Variants in CENPO observed in about 807,000 individuals in gnomAD.
CENPO encodes the protein centromeric protein O.
In CENPO, 30 loss-of-function variants were observed where a neutral mutation model predicts 36.1. The ratio of observed to expected loss-of-function variants is 0.83; its 90% CI spans 0.62 to 1.13. CENPO has a LOEUF of 1.13. CENPO is among the 50% of genes most tolerant of loss of function. The pLI, the probability that CENPO is intolerant of heterozygous loss-of-function variation, is 0.00. For synonymous variants in CENPO, 171 were observed against 142.3 expected (o/e 1.20, Z -1.44); for missense variants, 349 against 357.8 (o/e 0.98, Z 0.20).
rs1452795842 is a variant in CENPO, at chr2:24,799,823, G to A, written c.195G>A (p.Val65=). The A allele has an allele frequency of 6.2e-7, 1 of 1,613,364 alleles. No homozygotes were observed. ...GTCTGCGAGATGAGCTGAGGGCTGT[G>A]GTGCGGCACCGGCGAGCCAGCGTGA... ...LRRLRDELRA[V]VRHRRASVKA... Residue 65 remains valine (V), a synonymous_variant, in exon 3 of 8, where the codon GTG becomes GTA. Coordinates refer to ENST00000380834, the MANE Select transcript of CENPO (RefSeq NM_001322101.2).
intron 3 of CENPO, among the ~76,000 whole-genome samples, chr2:24,814,065 T>C (rs1666828210): frequency 6.6e-6 from 1 of 152,196 alleles, no homozygotes; most frequent in Non-Finnish European, 1.5e-5. Flanking sequence ...CAGCCACCTG[T>C]TGTGTCCACC....
At chr2:24,814,634 A>T in intron 4 of CENPO, 141 bp downstream of exon 4, 1 of 633,588 alleles carries the variant, frequency 1.6e-6, no homozygotes. Flanking sequence ...ACACACACAC[A>T]CACACAGACA....
At chr2:24,815,913 A>G in intron 5 of CENPO, 157 bp downstream of exon 5, 1 of 704,204 alleles carries the variant, frequency 1.4e-6, no homozygotes, top group Non-Finnish European at 2.3e-6. Context: ...GCACTATCCC[A>G]CCCTCTTTTC....
At chr2:24,795,130 A>G (rs912708304) in intron 2 of CENPO, among the ~76,000 whole-genome samples, 1 of 152,196 alleles carries the variant, frequency 6.6e-6, no homozygotes, top group Non-Finnish European at 1.5e-5. Context: ...TCTCTAGTCC[A>G]GGCCTTATTT....
At position 24,820,511 on chromosome 2, in the gene CENPO, G is replaced by A; in HGVS notation, c.*1193G>A. 7.1e-7 allele frequency: 1 copy of A among 1,409,784 alleles called. No homozygotes were observed. The highest frequency in any genetic ancestry group is 9.2e-7 in the Non-Finnish European group (1 of 1,082,620). 87.3% of individuals were successfully genotyped at this position (1,409,784 alleles called of 1,614,324 possible). A position where few individuals can be genotyped will look rare whatever the true frequency, so the allele number is the denominator to read the frequency against. On this transcript the variant is annotated 3_prime_UTR_variant, in exon 8 of 8. Transcript: ENST00000380834. ...CCCAAAGGTAGGCCATATGCATCTA[G>A]AACTTCAGCCCAGATTTTGTGGATG... is the stretch of plus-strand genomic sequence containing the variant.
rs1367067833 is a variant in CENPO at position 24,822,032 on chromosome 2, T to C, written c.*2714T>C. ...TGTTTCTTTAACCTCATCCATATAATAGGGCCGTGGGATGGTTGTAGAGGT... is the reference window on the plus strand; with the variant it reads ...TGTTTCTTTAACCTCATCCATATAACAGGGCCGTGGGATGGTTGTAGAGGT... On this transcript the variant is annotated 3_prime_UTR_variant, in exon 8 of 8. Transcript: ENST00000380834. 4 of 209,476 alleles carry C rather than the reference T, an allele frequency of 1.9e-5. No homozygotes were observed. Among genetic ancestry groups the C allele is most frequent in the Non-Finnish European group, 9.6e-6 (1 of 104,214 alleles). The allele number at this position is 209,476 out of a possible 1,614,324, so 13.0% of individuals were successfully genotyped here.
chr2:24,805,924 G>A lies in CENPO; in HGVS notation c.216+6080G>A, dbSNP rs536447917. ...TTTGCTATGCCCTGCCCCCAGAGGT[G>A]GAGTCTACAGAGGCAGGCAGGCCTC... On this transcript the variant is annotated intron_variant, in intron 3 of 7. Transcript: ENST00000380834. Among the ~76,000 whole-genome samples, 52 of 152,362 alleles carry A rather than the reference G, an allele frequency of 3.4e-4. 1 individual carries two copies. In the South Asian group the frequency reaches 0.011, roughly 31 times the overall value.
chr2:24,814,689 A>G (rs1477734026), intron 4 of CENPO, 196 bp downstream of exon 4: 1 of 562,582 alleles, frequency 1.8e-6, no homozygotes, highest in African/African-American at 1.9e-5. Flanking sequence ...TTCACCTACA[A>G]GATTGACTGG....
intron 3 of CENPO, among the ~76,000 whole-genome samples, chr2:24,800,194 A>G (rs893493220): frequency 3.3e-5 from 5 of 152,174 alleles, no homozygotes; most frequent in African/African-American, 9.7e-5. Flanking sequence ...CTGAGGCACG[A>G]ATTGCACCTG....
At chr2:24,816,951 G>A (rs967990781) in intron 6 of CENPO, 134 bp downstream of exon 6, 40 of 685,750 alleles carry the variant, frequency 5.8e-5, no homozygotes, top group African/African-American at 4.8e-4. Flanking sequence ...TACTCAGACC[G>A]GTAAGATAGA....
chr2:24,820,594 G>A lies in CENPO; in HGVS notation c.*1276G>A, dbSNP rs551268548. 1 of 1,481,166 alleles carries A rather than the reference G, an allele frequency of 6.8e-7. No individual in the cohort carries two copies. The highest frequency in any genetic ancestry group is 2.3e-5 in the East Asian group (1 of 43,352). 91.8% of individuals were successfully genotyped at this position (1,481,166 alleles called of 1,614,324 possible). Reference sequence around the variant, plus strand: ...CTATTGCAGAGATTCTTTTCCACTTGCCCCACGTCTCTGCCTCTGGACTTA... The same window carrying A: ...CTATTGCAGAGATTCTTTTCCACTTACCCCACGTCTCTGCCTCTGGACTTA... On this transcript the variant is annotated 3_prime_UTR_variant, in exon 8 of 8. Transcript: ENST00000380834.
chr2:24,797,235 A>G (rs1665947331), intron 2 of CENPO, among the ~76,000 whole-genome samples: 1 of 152,174 alleles, frequency 6.6e-6, no homozygotes, highest in Admixed American at 6.5e-5. Flanking sequence ...AGGTGTGAGG[A>G]AGAAAGTACT....
In CENPO at chr2:24,816,738, G is replaced by C. The variant is rs567990516; in HGVS notation, c.687G>C (p.Gln229His). ...SFTYKLDPGGQSFPFCARLLY... is the reference protein window; with the variant it reads ...SFTYKLDPGGHSFPFCARLLY... ...CTTACAAACTGGATCCAGGGGGTCA[G>C]TCCTTCCCGTTCTGTGCTAGATTGC... Residue 229 changes from glutamine (Q) to histidine (H), a missense_variant, in exon 6 of 8, where the codon CAG (glutamine) becomes CAC (histidine). Coordinates refer to ENST00000380834, the MANE Select transcript of CENPO (RefSeq NM_001322101.2). The C allele has an allele frequency of 2.9e-5, 46 of 1,612,716 alleles. No homozygotes were observed. The highest frequency in any genetic ancestry group is 3.7e-5 in the Non-Finnish European group (44 of 1,179,566).
intron 3 of CENPO, among the ~76,000 whole-genome samples, chr2:24,801,807 G>A (rs1666177505): frequency 6.6e-6 from 1 of 152,116 alleles, no homozygotes; most frequent in Admixed American, 6.6e-5. Context: ...CTTGGCAATG[G>A]GGGCTCTTTT....
Position 24,817,766 on chromosome 2 carries a change from C to G in CENPO, c.863C>G (p.Thr288Arg). Residue 288 changes from threonine to arginine, a missense_variant, in exon 7 of 8, where the codon ACA (threonine) becomes AGA (arginine). Transcript: ENST00000380834. ...KPLHQVFASF[T>R]RKGEKLDMSL... ...TTGCATCAAGTGTTTGCCTCATTTA[C>G]AAGAAAAGGAGAAAAGTTGGATATG... 1 of 1,614,162 alleles carries G rather than the reference C, an allele frequency of 6.2e-7. No individual in the cohort carries two copies. The highest frequency in any genetic ancestry group is 1.1e-5 in the South Asian group (1 of 91,084).
intron 3 of CENPO, among the ~76,000 whole-genome samples, chr2:24,801,529 T>G (rs1666166021): frequency 6.6e-6 from 1 of 152,218 alleles, no homozygotes; most frequent in Admixed American, 6.5e-5. Context: ...GGGATCCAGT[T>G]TCAGCTTTCT....
intron 1 of CENPO, 29 bp downstream of exon 1, chr2:24,793,530 A>G (rs2148722097): frequency 6.4e-7 from 1 of 1,560,398 alleles, no homozygotes; most frequent in South Asian, 1.2e-5. Flanking sequence ...GGTAGGGGAA[A>G]GACCCATTGT....
Position 24,820,002 on chromosome 2 carries a change from C to T in CENPO, c.*684C>T, listed in dbSNP as rs754188019. On this transcript the variant is annotated 3_prime_UTR_variant, in exon 8 of 8. Transcript: ENST00000380834. ...ATTGGGGAAGGTGGCTAGCTTATCCCGCCCCTTCAAGAAGAAGGTCAGCAG... is the reference window on the plus strand; with the variant it reads ...ATTGGGGAAGGTGGCTAGCTTATCCTGCCCCTTCAAGAAGAAGGTCAGCAG... The T allele has an allele frequency of 6.8e-6, 11 of 1,612,810 alleles. No individual in the cohort carries two copies. The highest frequency in any genetic ancestry group is 9.3e-6 in the Non-Finnish European group (11 of 1,179,406).
In CENPO at chr2:24,820,886, C is replaced by A. The variant is rs1337563027; in HGVS notation, c.*1568C>A. On this transcript the variant is annotated 3_prime_UTR_variant, in exon 8 of 8. Coordinates refer to ENST00000380834, the MANE Select transcript of CENPO (RefSeq NM_001322101.2). ...CATAAAGTTCAGCACAGCCACAGGCCACACCTTGTTATGGGCCTCAGAAGC... is the reference window on the plus strand; with the variant it reads ...CATAAAGTTCAGCACAGCCACAGGCAACACCTTGTTATGGGCCTCAGAAGC... 7.5e-6 allele frequency: 12 copies of A among 1,608,428 alleles called. No homozygotes were observed. The highest frequency in any genetic ancestry group is 1.0e-5 in the Non-Finnish European group (12 of 1,176,688).
Sources: allele counts gnomAD v4.1 joint callset (sites outside exome capture counted in the v4.1 genomes callset), GRCh38; gene constraint gnomAD v4.1.1; transcripts MANE v1.5; gene names NCBI Gene and HGNC (gene_info 2026-07-23, HGNC 2026-07-21).